The following DPYD variants were observed in gnomAD, a reference collection of about 807,000 sequenced individuals.
DPYD encodes the protein dihydropyrimidine dehydrogenase, also known as dihydropyrimidine dehydrogenase [NADP(+)].
DPYD carries 109 observed loss-of-function variants against 116.2 expected under a neutral mutation model. The observed-to-expected ratio is 0.94, with a 90% CI of 0.80 to 1.10. The LOEUF (loss-of-function observed/expected upper bound fraction) is 1.10. Ranked by LOEUF, DPYD falls within the 50% of genes least tolerant of loss-of-function variation. DPYD has a pLI of 0.00. For synonymous variants in DPYD, 440 were observed against 432.0 expected, an observed-to-expected ratio of 1.02 and a Z score of -0.23; for missense variants, 1,302 against 1,254.5, an observed-to-expected ratio of 1.04 and a Z score of -0.57.
chr1:97,428,999 C>T (rs968833431), intron 14 of DPYD, among the ~76,000 whole-genome samples: 1 of 151,736 alleles, frequency 6.6e-6, no homozygotes, highest in East Asian at 1.9e-4. Context: ...AATATCAGTT[C>T]AGGAAAATTT....
intron 8 of DPYD, among the ~76,000 whole-genome samples, chr1:97,619,577 G>T (rs866360110): frequency 1.6e-4 from 25 of 152,094 alleles, no homozygotes; most frequent in Admixed American, 2.6e-4. Context: ...CAATGCAAGG[G>T]AAACACCGGT....
intron 20 of DPYD, among the ~76,000 whole-genome samples, chr1:97,109,052 A>G (rs1651390678): frequency 6.6e-6 from 1 of 152,162 alleles, no homozygotes; most frequent in Non-Finnish European, 1.5e-5. Context: ...GCCCTCTGTA[A>G]GCCTCAATTT....
intron 10 of DPYD, 114 bp downstream of exon 10, chr1:97,593,104 A>C: frequency 7.5e-7 from 1 of 1,332,940 alleles, no homozygotes; most frequent in Non-Finnish European, 1.1e-6. Context: ...TAGCCCTGAA[A>C]TTTTTAAACT....
intron 3 of DPYD, among the ~76,000 whole-genome samples, chr1:97,802,556 C>T (rs977327091): frequency 5.3e-5 from 8 of 151,798 alleles, no homozygotes. Flanking sequence ...CCTTTTGGGG[C>T]CTCAGATCTA....
intron 16 of DPYD, among the ~76,000 whole-genome samples, chr1:97,310,591 TG>T (rs1176786538): frequency 6.6e-6 from 1 of 151,842 alleles, no homozygotes; most frequent in Non-Finnish European, 1.5e-5. Flanking sequence ...GAAATGGAGA[TG>T]TTTTTATTAA....
intron 20 of DPYD, among the ~76,000 whole-genome samples, chr1:97,130,227 C>T (rs907132478): frequency 7.2e-5 from 11 of 152,256 alleles, no homozygotes; most frequent in Middle Eastern, 3.4e-3. Flanking sequence ...CTGGAGAGTC[C>T]TTTGCAAAAT....
chr1:97,382,584 G>A, intron 14 of DPYD, 123 bp from the exon 15 acceptor site: 1 of 535,482 alleles, frequency 1.9e-6, no homozygotes, highest in Non-Finnish European at 3.1e-6. Context: ...TTCAAACTGT[G>A]AAAAAATAAA....
chr1:97,472,323 T>C (rs1677710582), intron 13 of DPYD, among the ~76,000 whole-genome samples: 1 of 152,212 alleles, frequency 6.6e-6, no homozygotes, highest in African/African-American at 2.4e-5. Flanking sequence ...GAGAATTGCC[T>C]GTTCTCTCCT....
At chr1:97,517,200 G>C (rs1382403555) in intron 12 of DPYD, among the ~76,000 whole-genome samples, 2 of 152,016 alleles carry the variant, frequency 1.3e-5, no homozygotes, top group Non-Finnish European at 2.9e-5. Context: ...TTCAGCTATG[G>C]CAGGCACCTT....
intron 14 of DPYD, among the ~76,000 whole-genome samples, chr1:97,447,664 C>T (rs925765885): frequency 6.6e-6 from 1 of 151,974 alleles, no homozygotes; most frequent in South Asian, 2.1e-4. Context: ...AGAATATTAA[C>T]TATGTCTCTT....
chr1:97,638,244 G>A (rs76050843), intron 8 of DPYD, among the ~76,000 whole-genome samples: 9,938 of 152,104 alleles, frequency 0.065, 457 homozygotes, highest in South Asian at 0.12. Flanking sequence ...AGCATACCAG[G>A]ATTTGGTCAA....
At position 97,596,483 on chromosome 1, in the gene DPYD, C is replaced by T. The variant is rs145611598; in HGVS notation, c.851-1317G>A. On this transcript the variant is annotated intron_variant, in intron 8 of 22. Transcript: ENST00000370192. ...AATGAAGAAAATCTTATAGCAGTCACCCCATCCAAGGCAAGTAGAGAAATA... is the reference window on the plus strand; with the variant it reads ...AATGAAGAAAATCTTATAGCAGTCATCCCATCCAAGGCAAGTAGAGAAATA... Among the ~76,000 whole-genome samples, 796 of 152,238 alleles carry T rather than the reference C, an allele frequency of 5.2e-3. 6 individuals are homozygous for T. Among genetic ancestry groups the T allele is most frequent in the Non-Finnish European group, 7.6e-3 (516 of 68,018 alleles).
intron 2 of DPYD, among the ~76,000 whole-genome samples, chr1:97,848,026 T>C (rs1360466491): frequency 6.6e-6 from 1 of 152,102 alleles, no homozygotes; most frequent in African/African-American, 2.4e-5. Flanking sequence ...AAGGTGAAAA[T>C]ATAGCATTTA....
intron 12 of DPYD, among the ~76,000 whole-genome samples, chr1:97,528,811 T>A (rs1333986363): frequency 6.6e-6 from 1 of 152,184 alleles, no homozygotes; most frequent in Admixed American, 6.5e-5. Context: ...GACTTCTGCA[T>A]TCTCCTTGCC....
At position 97,720,934 on chromosome 1, in the gene DPYD, A is replaced by G. The variant is rs772624919; in HGVS notation, c.483+576T>C. ...GAAAGCCAGGATCAAAGTCTATGGG[A>G]TAAACAGAAAAAAAAGTGCTCTCAT... On this transcript the variant is annotated intron_variant, in intron 5 of 22. Transcript: ENST00000370192. 72 of 1,606,550 alleles carry G rather than the reference A, an allele frequency of 4.5e-5. 1 individual carries two copies. In the South Asian group the frequency reaches 7.7e-4, roughly 17 times the overall value.
intron 6 of DPYD, 124 bp downstream of exon 6, chr1:97,699,227 A>C (rs1283245908): frequency 9.4e-7 from 1 of 1,063,834 alleles, no homozygotes; most frequent in Admixed American, 2.3e-5. Flanking sequence ...ACATTTGGAA[A>C]AAGAACATTT....
intron 4 of DPYD, among the ~76,000 whole-genome samples, chr1:97,726,634 C>T (rs1200786591): frequency 6.6e-6 from 1 of 151,232 alleles, no homozygotes; most frequent in Non-Finnish European, 1.5e-5. Flanking sequence ...TTAGAAGTGT[C>T]CTTGTAATAT....
chr1:97,783,474 A>T (rs1184027208), intron 3 of DPYD, among the ~76,000 whole-genome samples: 1 of 145,976 alleles, frequency 6.9e-6, no homozygotes, highest in Non-Finnish European at 1.5e-5. Flanking sequence ...GGCTCACTGC[A>T]ACCTCCACCT....
Position 97,193,248 on chromosome 1 carries a change from CCT to C in DPYD, c.2443-2_2443-1del. On this transcript the variant is annotated splice_acceptor_variant, in intron 19 of 22. Coordinates refer to ENST00000370192, the MANE Select transcript of DPYD (RefSeq NM_000110.4). LOFTEE classifies it high-confidence loss of function. ...TCCTGATTCTGAATGGCACTGCATA[CCT>C]AGAAAAGACAGAGCAGTCAACCAAG... is the stretch of plus-strand genomic sequence containing the variant. 6.2e-7 allele frequency: 1 copy of C among 1,613,112 alleles called. No homozygotes were observed. Among genetic ancestry groups the C allele is most frequent in the Non-Finnish European group, 8.5e-7 (1 of 1,179,590 alleles).
Sources: allele counts gnomAD v4.1 joint callset (sites outside exome capture counted in the v4.1 genomes callset), GRCh38; gene constraint gnomAD v4.1.1; transcripts MANE v1.5; gene names NCBI Gene and HGNC (gene_info 2026-07-23, HGNC 2026-07-21).